ANKRD46: variants seen among roughly 807,000 people sequenced by gnomAD.
The protein encoded by ANKRD46 is ankyrin repeat domain 46, also known as ankyrin repeat domain-containing protein 46.
In ANKRD46, 13 loss-of-function variants were observed where a neutral mutation model predicts 19.8. That is an observed-to-expected ratio of 0.66 (90% CI 0.43 to 1.04). ANKRD46 has a LOEUF of 1.04. Among genes scored for constraint, ANKRD46 ranks in the 50% least tolerant of loss-of-function variants. The pLI is 0.00. For missense variants in ANKRD46, 185 were observed against 274.8 expected (o/e 0.67, Z 2.31); for synonymous variants, 91 against 106.9 (o/e 0.85, Z 0.92).
At chr8:100,530,573 C>G (rs536369683) in intron 2 of ANKRD46, among the ~76,000 whole-genome samples, 1 of 152,004 alleles carries the variant, frequency 6.6e-6, no homozygotes, top group African/African-American at 2.4e-5. Context: ...TTAGTAGAGA[C>G]GGGGTTTCAC....
At chr8:100,548,667 G>A (rs1455531089) in intron 1 of ANKRD46, among the ~76,000 whole-genome samples, 2 of 152,166 alleles carry the variant, frequency 1.3e-5, no homozygotes, top group African/African-American at 4.8e-5. Context: ...CAAACGTAAA[G>A]TATGCATTCA....
In ANKRD46 at chr8:100,550,059, C is replaced by T. The variant is rs549585422; in HGVS notation, c.-131+9652G>A. Among the ~76,000 whole-genome samples the T allele has an allele frequency of 5.9e-5, 9 of 152,274 alleles. No homozygotes were observed. The South Asian group carries it at 1.7e-3, about 28-fold the overall frequency. On this transcript the variant is annotated intron_variant, in intron 1 of 4. Transcript: ENST00000335659. This position sits in a 1 kb window ranked among gnomAD's most constrained non-coding sequence, Gnocchi z 4.4. The stretch of plus-strand genomic sequence containing the variant: ...ATTCTCTGTATGTATTACAGTTTAT[C>T]TGTTCACCTACTGAAGGACATCTTG...
chr8:100,552,397 A>T (rs1302512437), intron 1 of ANKRD46, among the ~76,000 whole-genome samples: 3 of 150,546 alleles, frequency 2.0e-5, no homozygotes, highest in Non-Finnish European at 3.0e-5. Context: ...TTTTTTTAAC[A>T]TCAGTTATTG....
At position 100,522,498 on chromosome 8, in the gene ANKRD46, A is replaced by T; in HGVS notation, c.*57T>A. The T allele has an allele frequency of 6.3e-7, 1 of 1,594,554 alleles. No individual in the cohort carries two copies. The highest frequency in any genetic ancestry group is 8.6e-7 in the Non-Finnish European group (1 of 1,169,416). ...TAAGAAAAATTCTGAGAAACTGAGAACAAACATTGGAAGCCAGGAAACAGG... is the reference window on the plus strand; with the variant it reads ...TAAGAAAAATTCTGAGAAACTGAGATCAAACATTGGAAGCCAGGAAACAGG... On this transcript the variant is annotated 3_prime_UTR_variant, in exon 5 of 5. Coordinates refer to ENST00000335659, the MANE Select transcript of ANKRD46 (RefSeq NM_001270377.2).
Position 100,545,742 on chromosome 8 carries a change from AGC to A in ANKRD46, c.-130-12433_-130-12432del, listed in dbSNP as rs1812260446. Among the ~76,000 whole-genome samples, 1 of 152,186 alleles carries A rather than the reference AGC, an allele frequency of 6.6e-6. No homozygotes were observed. Among genetic ancestry groups the A allele is most frequent in the South Asian group, 2.1e-4 (1 of 4,832 alleles). On this transcript the variant is annotated intron_variant, in intron 1 of 4. Coordinates refer to ENST00000335659, the MANE Select transcript of ANKRD46 (RefSeq NM_001270377.2). This position sits in a 1 kb window ranked among gnomAD's most constrained non-coding sequence, Gnocchi z 4.7. The stretch of plus-strand genomic sequence containing the variant: ...TATGGGAAAGTCTGGAACTTCCTAG[AGC>A]CTTGCTGAATGGTTTTGACCAAAAT...
intron 4 of ANKRD46, among the ~76,000 whole-genome samples, chr8:100,523,236 C>A (rs1811770756): frequency 6.6e-6 from 1 of 151,944 alleles, no homozygotes; most frequent in Admixed American, 6.5e-5. Context: ...TATTAAACCA[C>A]AACACATTCT....
chr8:100,516,840 A>G (rs1158619410), downstream of ANKRD46, among the ~76,000 whole-genome samples: 2 of 152,232 alleles, frequency 1.3e-5, no homozygotes, highest in African/African-American at 4.8e-5. Context: ...CAGCATCCTC[A>G]GTAGCTTTCC....
At chr8:100,530,367 A>T (rs1811933739) in intron 2 of ANKRD46, among the ~76,000 whole-genome samples, 1 of 149,314 alleles carries the variant, frequency 6.7e-6, no homozygotes, top group African/African-American at 2.5e-5. Flanking sequence ...AAAGACCTGT[A>T]GAGTGTTATG....
downstream of ANKRD46, among the ~76,000 whole-genome samples, chr8:100,517,460 T>C (rs1811652198): frequency 6.6e-6 from 1 of 152,220 alleles, no homozygotes; most frequent in Non-Finnish European, 1.5e-5. Flanking sequence ...CTAAATACTG[T>C]TATCAGCTAA....
intron 5 of ANKRD46, among the ~76,000 whole-genome samples, chr8:100,513,980 C>T (rs1324447109): frequency 6.6e-6 from 1 of 152,202 alleles, no homozygotes; most frequent in Non-Finnish European, 1.5e-5. Flanking sequence ...GTCCAGACAA[C>T]TCTGACCCAG....
At chr8:100,512,196 A>G in intron 5 of ANKRD46, among the ~76,000 whole-genome samples, 1 of 152,208 alleles carries the variant, frequency 6.6e-6, no homozygotes, top group East Asian at 1.9e-4. Context: ...TGGTCTGTAG[A>G]ACAGCATCAT....
At position 100,521,531 on chromosome 8, in the gene ANKRD46, T is replaced by C. The variant is rs1811723655; in HGVS notation, c.*1024A>G. On this transcript the variant is annotated 3_prime_UTR_variant, in exon 5 of 5. Coordinates refer to ENST00000335659, the MANE Select transcript of ANKRD46 (RefSeq NM_001270377.2). ...GAGTTTATGACACCCAGTACGATAC[T>C]GTCCAGCACTGTTAACTCAGAAATG... 1.0e-6 allele frequency: 1 copy of C among 985,348 alleles called. No individual in the cohort carries two copies. The highest frequency in any genetic ancestry group is 4.7e-5 in the South Asian group (1 of 21,290). 61.0% of individuals were successfully genotyped at this position (985,348 alleles called of 1,614,324 possible).
chr8:100,541,733 G>A (rs1449119430), intron 1 of ANKRD46, among the ~76,000 whole-genome samples: 3 of 152,120 alleles, frequency 2.0e-5, no homozygotes, highest in South Asian at 4.1e-4. Context: ...ATTCACTGTC[G>A]AAATACAAAA....
intron 1 of ANKRD46, among the ~76,000 whole-genome samples, chr8:100,552,028 T>C (rs1259915441): frequency 6.6e-6 from 1 of 151,598 alleles, no homozygotes; most frequent in Admixed American, 6.6e-5. Flanking sequence ...TGTGCACCTG[T>C]AGTCCCAGGT....
chr8:100,511,806 T>G lies in ANKRD46; in HGVS notation c.637-1167A>C, dbSNP rs975353907. On this transcript the variant is annotated intron_variant, in intron 5 of 5. Transcript: ENST00000520552. This position sits in a 1 kb window ranked among gnomAD's most constrained non-coding sequence, Gnocchi z 4.1. ...TGGGAGGTCAATGCGGGCAGATCAC[T>G]TGAGGTCAGGAGTTCGAGACCAGCC... 6.6e-6 allele frequency among the ~76,000 whole-genome samples: 1 copy of G among 152,144 alleles called. No homozygotes were observed. The highest frequency in any genetic ancestry group is 1.5e-5 in the Non-Finnish European group (1 of 68,026).
At chr8:100,528,656 G>GA (rs1230835836) in intron 3 of ANKRD46, among the ~76,000 whole-genome samples, 1 of 151,246 alleles carries the variant, frequency 6.6e-6, no homozygotes, top group Non-Finnish European at 1.5e-5. Context: ...AAAAGTCTAA[G>GA]AAAAAAATGT....
At chr8:100,547,193 G>T (rs1812290184) in intron 1 of ANKRD46, among the ~76,000 whole-genome samples, 2 of 152,124 alleles carry the variant, frequency 1.3e-5, no homozygotes, top group Admixed American at 1.3e-4. Context: ...GAACTATATG[G>T]TTTGGCTCTA....
chr8:100,514,898 C>T (rs1586774079), intron 5 of ANKRD46, among the ~76,000 whole-genome samples: 1 of 152,226 alleles, frequency 6.6e-6, no homozygotes, highest in Non-Finnish European at 1.5e-5. Context: ...CCTTGGCCTC[C>T]CAAAGTGCTG....
At chr8:100,517,651 C>T (rs74771796), downstream of ANKRD46, among the ~76,000 whole-genome samples, 735 of 152,294 alleles carry the variant, frequency 4.8e-3, 7 homozygotes, top group African/African-American at 0.016. Flanking sequence ...CCTATGTGTG[C>T]TTTGAGGGGA....
Sources: gnomAD v4.1 joint callset for allele counts (sites outside exome capture counted in the v4.1 genomes callset) on GRCh38, gnomAD v4.1.1 for gene constraint, Gnocchi (gnomAD v3.1) non-coding constraint, MANE v1.5 for transcripts, NCBI Gene and HGNC (gene_info 2026-07-23, HGNC 2026-07-21) for gene names.